The following FSTL5 variants were observed in gnomAD, a reference collection of about 807,000 sequenced individuals.
FSTL5 encodes the protein follistatin like 5.
A neutral mutation model predicts 89.1 loss-of-function variants in FSTL5; 62 were observed. The observed-to-expected ratio is 0.70, with a 90% confidence interval of 0.57 to 0.86. The LOEUF (loss-of-function observed/expected upper bound fraction) is 0.86, where lower values mean the gene tolerates loss of function less well. FSTL5 is among the 40% of genes least tolerant of loss of function. The pLI, the probability that FSTL5 is intolerant of heterozygous loss-of-function variation, is 0.00. For missense variants in FSTL5, 1,057 were observed against 1,001.6 expected (o/e 1.06, Z -0.75); for synonymous variants, 383 against 346.2 (o/e 1.11, Z -1.18).
At chr4:161,850,637 T>C (rs75386333) in intron 4 of FSTL5, among the ~76,000 whole-genome samples, 5,285 of 152,260 alleles carry the variant, frequency 0.035, 180 homozygotes, top group East Asian at 0.15. Context: ...AATTGTTGTC[T>C]AAGGCTGATG....
At chr4:161,607,512 A>G (rs1285758724) in intron 7 of FSTL5, among the ~76,000 whole-genome samples, 1 of 152,194 alleles carries the variant, frequency 6.6e-6, no homozygotes, top group Non-Finnish European at 1.5e-5. Flanking sequence ...AAGTTTAAAA[A>G]TGTAAAGTAT....
At chr4:161,659,699 T>C (rs1278646022) in intron 6 of FSTL5, among the ~76,000 whole-genome samples, 3 of 152,176 alleles carry the variant, frequency 2.0e-5, no homozygotes, top group Non-Finnish European at 2.9e-5. Flanking sequence ...TTACTGTAAA[T>C]TGCCTCTGAG....
At chr4:162,073,499 C>CA (rs1166431769) in intron 2 of FSTL5, among the ~76,000 whole-genome samples, 2 of 151,366 alleles carry the variant, frequency 1.3e-5, no homozygotes, top group African/African-American at 2.4e-5. Flanking sequence ...TTAATCTTTG[C>CA]AAAAAACAGG....
chr4:161,853,035 TTC>T (rs563798884), intron 4 of FSTL5, among the ~76,000 whole-genome samples: 34 of 152,358 alleles, frequency 2.2e-4, no homozygotes, highest in Admixed American at 9.1e-4. Flanking sequence ...TGCCTTGTTC[TTC>T]TCTCACATTT....
At chr4:161,464,572 C>G (rs1346012615) in intron 13 of FSTL5, among the ~76,000 whole-genome samples, 2 of 152,084 alleles carry the variant, frequency 1.3e-5, no homozygotes, top group Non-Finnish European at 2.9e-5. Context: ...TTCTTATTGT[C>G]TGCCTCATCT....
chr4:162,103,674 C>G (rs1370518214), intron 2 of FSTL5, among the ~76,000 whole-genome samples: 1 of 152,130 alleles, frequency 6.6e-6, no homozygotes, highest in Non-Finnish European at 1.5e-5. Context: ...CCATTTAGAA[C>G]AAAGGAAATG....
chr4:161,895,722 T>C (rs1733134444), intron 4 of FSTL5, among the ~76,000 whole-genome samples: 1 of 152,190 alleles, frequency 6.6e-6, no homozygotes, highest in Non-Finnish European at 1.5e-5. Flanking sequence ...AAAAAACATT[T>C]ATACATGTGG....
intron 6 of FSTL5, among the ~76,000 whole-genome samples, chr4:161,717,468 A>G (rs957184871): frequency 6.6e-6 from 1 of 152,192 alleles, no homozygotes; most frequent in South Asian, 2.1e-4. Context: ...ATCAACTGCC[A>G]TAACATTAAA....
intron 6 of FSTL5, among the ~76,000 whole-genome samples, chr4:161,722,419 C>CA (rs1714775605): frequency 3.3e-5 from 5 of 152,064 alleles, no homozygotes; most frequent in Admixed American, 3.3e-4. Context: ...CTTTGTCTAT[C>CA]ACATTACTCA....
intron 6 of FSTL5, among the ~76,000 whole-genome samples, chr4:161,660,273 T>C (rs1736662116): frequency 6.6e-6 from 1 of 152,172 alleles, no homozygotes; most frequent in African/African-American, 2.4e-5. Context: ...TTTTTACAAC[T>C]TGGCTTAGAG....
chr4:161,651,875 A>G (rs1242046140), intron 7 of FSTL5, among the ~76,000 whole-genome samples: 2 of 152,226 alleles, frequency 1.3e-5, no homozygotes, highest in East Asian at 3.9e-4. Context: ...TGCAAAATAT[A>G]AAACAGACGA....
intron 4 of FSTL5, among the ~76,000 whole-genome samples, chr4:161,874,991 G>C: frequency 6.6e-6 from 1 of 151,990 alleles, no homozygotes; most frequent in East Asian, 1.9e-4. Flanking sequence ...ATTTAAAACT[G>C]CTTATTTCTA....
intron 10 of FSTL5, among the ~76,000 whole-genome samples, chr4:161,512,306 C>G (rs947884725): frequency 3.3e-5 from 5 of 152,066 alleles, no homozygotes; most frequent in Admixed American, 3.3e-4. Context: ...CTCACATACA[C>G]AGGTTAGAAC....
intron 8 of FSTL5, among the ~76,000 whole-genome samples, chr4:161,552,264 A>G (rs1732242220): frequency 6.6e-6 from 1 of 151,894 alleles, no homozygotes; most frequent in African/African-American, 2.4e-5. Context: ...ATCAGAATAG[A>G]TATTAATAAC....
chr4:161,495,238 A>C (rs2126476299), intron 12 of FSTL5: 1 of 152,308 alleles, frequency 6.6e-6, no homozygotes, highest in African/African-American at 2.4e-5. Flanking sequence ...ATAACAAGCA[A>C]AGAAGGTGGC....
intron 4 of FSTL5, among the ~76,000 whole-genome samples, chr4:161,908,073 C>A (rs1733586832): frequency 6.6e-6 from 1 of 151,946 alleles, no homozygotes; most frequent in African/African-American, 2.4e-5. Flanking sequence ...AGAATGATTT[C>A]AATGTCCCTG....
chr4:161,563,136 G>T (rs1732668104), intron 8 of FSTL5, among the ~76,000 whole-genome samples: 1 of 151,802 alleles, frequency 6.6e-6, no homozygotes, highest in Non-Finnish European at 1.5e-5. Context: ...TATTAAATAT[G>T]ACTCACCCTA....
intron 4 of FSTL5, among the ~76,000 whole-genome samples, chr4:161,864,149 G>A (rs1181981149): frequency 2.0e-5 from 3 of 152,208 alleles, no homozygotes; most frequent in East Asian, 3.9e-4. Context: ...GAAATACTTT[G>A]TAACCCCAGG....
Position 161,579,731 on chromosome 4 carries a change from CA to C in FSTL5, c.1015+7723del, listed in dbSNP as rs33926609. 7.9e-3 allele frequency among the ~76,000 whole-genome samples: 785 copies of C among 98,832 alleles called. 1 individual carries two copies. The highest frequency in any genetic ancestry group is 0.02 in the African/African-American group (596 of 29,932). The allele number at this position is 98,832 out of a possible 152,430, so 64.8% of individuals were successfully genotyped here. On this transcript the variant is annotated intron_variant, in intron 8 of 15. Transcript: ENST00000306100. ...GACCATTTCAAAAAACAAAAACAAA[CA>C]AAAAAAAAAAAAGAAAGAAAAAGAA...
Sources: allele counts gnomAD v4.1 joint callset (sites outside exome capture counted in the v4.1 genomes callset), GRCh38; gene constraint gnomAD v4.1.1; transcripts MANE v1.5; gene names NCBI Gene and HGNC (gene_info 2026-07-23, HGNC 2026-07-21).